Variants in OR1J2 observed in about 807,000 individuals in gnomAD.
OR1J2 encodes the protein olfactory receptor 1J2.
For synonymous variants in OR1J2, 142 were observed against 99.7 expected (o/e 1.42, Z -2.52); for missense variants, 304 against 246.1 (o/e 1.24, Z -1.57).
chr9:122,477,343 T>C, the OR1J2 span: 2 of 1,613,850 alleles, frequency 1.2e-6, no homozygotes, highest in Non-Finnish European at 1.7e-6. Flanking sequence ...TGCTAACTGA[T>C]TGAGGGAGGT....
the OR1J2 span, among the ~76,000 whole-genome samples, chr9:122,540,448 G>T: frequency 6.6e-6 from 1 of 152,050 alleles, no homozygotes; most frequent in African/African-American, 2.4e-5. Flanking sequence ...TTATTTCTGA[G>T]GGCTCTGTTC....
the OR1J2 span, among the ~76,000 whole-genome samples, chr9:122,558,385 G>T: frequency 8.7e-6 from 1 of 115,588 alleles, no homozygotes; most frequent in African/African-American, 3.2e-5. Flanking sequence ...TCACCTTTTG[G>T]ATAGTTTGAG....
chr9:122,549,855 G>T, the OR1J2 span, among the ~76,000 whole-genome samples: 2 of 151,916 alleles, frequency 1.3e-5, no homozygotes, highest in Non-Finnish European at 2.9e-5. Context: ...ATCTTTTTTG[G>T]TTCCATATGA....
At chr9:122,561,305 TTTG>T in the OR1J2 span, among the ~76,000 whole-genome samples, 1 of 152,102 alleles carries the variant, frequency 6.6e-6, no homozygotes, top group Non-Finnish European at 1.5e-5. Context: ...CTCAGCAGAG[TTTG>T]TTATTACCCA....
chr9:122,515,946 G>C (rs78516454), downstream of OR1J2, among the ~76,000 whole-genome samples: 283 of 152,200 alleles, frequency 1.9e-3, 5 homozygotes, highest in East Asian at 0.029. Flanking sequence ...CACTGAGTTT[G>C]TTCCCTAGAG....
chr9:122,561,264 C>T, the OR1J2 span, among the ~76,000 whole-genome samples: 15 of 152,248 alleles, frequency 9.9e-5, no homozygotes, highest in Non-Finnish European at 1.9e-4. Context: ...TCCTTAGCTT[C>T]TTTGCATTGG....
chr9:122,553,828 G>T, the OR1J2 span: 11 of 1,614,016 alleles, frequency 6.8e-6, no homozygotes, highest in Non-Finnish European at 9.3e-6. Flanking sequence ...ATCACCATGG[G>T]CTTGCTGTTC....
chr9:122,561,462 C>T, the OR1J2 span, among the ~76,000 whole-genome samples: 4 of 152,174 alleles, frequency 2.6e-5, no homozygotes, highest in African/African-American at 9.7e-5. Flanking sequence ...GATTCTTTCT[C>T]ATCTTCATGA....
chr9:122,525,482 T>C, the OR1J2 span, among the ~76,000 whole-genome samples: 1 of 152,220 alleles, frequency 6.6e-6, no homozygotes, highest in African/African-American at 2.4e-5. Flanking sequence ...TTAATATTTC[T>C]AAGATTCTTG....
the OR1J2 span, chr9:122,475,685 C>T: frequency 6.6e-6 from 1 of 152,174 alleles, no homozygotes; most frequent in Non-Finnish European, 1.5e-5. Context: ...TATCTGTTGT[C>T]TCCCAGGTCT....
the OR1J2 span, among the ~76,000 whole-genome samples, chr9:122,522,303 A>G: frequency 6.6e-6 from 1 of 152,222 alleles, no homozygotes; most frequent in East Asian, 1.9e-4. Flanking sequence ...TCAAAAGTTA[A>G]CACTAATTCT....
the OR1J2 span, among the ~76,000 whole-genome samples, chr9:122,531,488 G>A: frequency 1.3e-5 from 2 of 152,300 alleles, no homozygotes; most frequent in Admixed American, 6.5e-5. Context: ...GGTTGGTCTG[G>A]TGTCTGGAAT....
the OR1J2 span, chr9:122,448,918 C>T: frequency 6.7e-6 from 1 of 149,180 alleles, no homozygotes; most frequent in Non-Finnish European, 1.5e-5. Flanking sequence ...TCTTTCTTTT[C>T]CATACACCCA....
At chr9:122,500,525 C>G in the OR1J2 span, among the ~76,000 whole-genome samples, 903 of 152,274 alleles carry the variant, frequency 5.9e-3, 3 homozygotes, top group African/African-American at 0.021. Flanking sequence ...TTCCAAGTGG[C>G]TATGGCACTA....
At chr9:122,465,512 C>G in the OR1J2 span, among the ~76,000 whole-genome samples, 1 of 152,174 alleles carries the variant, frequency 6.6e-6, no homozygotes. Flanking sequence ...ATAGCACACC[C>G]AAACTAATTT....
At chr9:122,464,824 T>G in the OR1J2 span, among the ~76,000 whole-genome samples, 12 of 152,218 alleles carry the variant, frequency 7.9e-5, no homozygotes, top group Admixed American at 2.0e-4. Context: ...TCTGATTGGG[T>G]TAAGATGCCT....
the OR1J2 span, among the ~76,000 whole-genome samples, chr9:122,488,832 A>C: frequency 7.2e-4 from 108 of 150,618 alleles, no homozygotes; most frequent in East Asian, 0.02. Flanking sequence ...GAGGCACTGT[A>C]AGTAAAGAAA....
At chr9:122,560,795 A>G in the OR1J2 span, among the ~76,000 whole-genome samples, 28,244 of 151,898 alleles carry the variant, frequency 0.19, 3,313 homozygotes, top group Non-Finnish European at 0.26. Context: ...GAATTTGATG[A>G]TTATGTGTCT....
downstream of OR1J2, among the ~76,000 whole-genome samples, chr9:122,512,693 A>G (rs1588190838): frequency 6.6e-6 from 1 of 152,336 alleles, no homozygotes; most frequent in Middle Eastern, 3.4e-3. Context: ...GCTACTCCAT[A>G]TCATGGTTTG....
Sources: gnomAD v4.1 joint callset for allele counts (sites outside exome capture counted in the v4.1 genomes callset) on GRCh38, gnomAD v4.1.1 for gene constraint, MANE v1.5 for transcripts, NCBI Gene and HGNC (gene_info 2026-07-23, HGNC 2026-07-21) for gene names.